Variants in SMIM20 observed in about 807,000 individuals in gnomAD.
The protein encoded by SMIM20 is small integral membrane protein 20.
In SMIM20, 3 loss-of-function variants were observed where a neutral mutation model predicts 8.7. That is an observed-to-expected ratio of 0.34 (90% CI 0.16 to 0.89). The LOEUF (loss-of-function observed/expected upper bound fraction) is 0.89, where lower values mean the gene tolerates loss of function less well. Ranked by LOEUF, SMIM20 falls within the 40% of genes least tolerant of loss-of-function variation. The probability of loss-of-function intolerance (pLI) is 0.49; values close to 1 mark genes in which losing one functional copy is unlikely to be tolerated. For missense variants in SMIM20, 85 were observed against 84.8 expected, an observed-to-expected ratio of 1.00 and a Z score of -0.01; for synonymous variants, 44 against 33.6, an observed-to-expected ratio of 1.31 and a Z score of -1.07.
At position 25,929,556 on chromosome 4, in the gene SMIM20, C is replaced by T. The variant is rs929121794; in HGVS notation, c.*365C>T. On this transcript the variant is annotated 3_prime_UTR_variant, in exon 3 of 3. Transcript: ENST00000506197. Reference sequence around the variant, plus strand: ...AGCAACCAGTGGGCTCGGGAAGGTCCGGGTCTCTTCTGCCATCTTCCAGAT... The same window carrying T: ...AGCAACCAGTGGGCTCGGGAAGGTCTGGGTCTCTTCTGCCATCTTCCAGAT... 7 of 183,398 alleles carry T rather than the reference C, an allele frequency of 3.8e-5. No homozygotes were observed. Among genetic ancestry groups the T allele is most frequent in the South Asian group, 3.9e-4 (2 of 5,186 alleles). The allele number at this position is 183,398 out of a possible 1,614,324, so 11.4% of individuals were successfully genotyped here. A position where few individuals can be genotyped will look rare whatever the true frequency, so the allele number is the denominator to read the frequency against.
At chr4:25,924,559 A>G (rs1464771556) in intron 1 of SMIM20, among the ~76,000 whole-genome samples, 1 of 152,206 alleles carries the variant, frequency 6.6e-6, no homozygotes, top group African/African-American at 2.4e-5. Context: ...CTTCACCTTG[A>G]TTTACCAGTT....
intron 2 of SMIM20, 29 bp from the exon 3 acceptor site, chr4:25,929,125 C>T (rs1317569599): frequency 6.4e-7 from 1 of 1,551,106 alleles, no homozygotes; most frequent in Non-Finnish European, 8.7e-7. Context: ...AAAAATGAAT[C>T]CTGTTTTTGT....
intron 1 of SMIM20, among the ~76,000 whole-genome samples, chr4:25,923,766 G>T (rs1322168091): frequency 6.6e-6 from 1 of 152,224 alleles, no homozygotes; most frequent in Non-Finnish European, 1.5e-5. Flanking sequence ...CCTTGTCAGG[G>T]CATTTTCCTT....
chr4:25,916,044 G>T (rs1719086454), intron 1 of SMIM20, among the ~76,000 whole-genome samples: 1 of 152,112 alleles, frequency 6.6e-6, no homozygotes, highest in African/African-American at 2.4e-5. Context: ...CTTGTACTGT[G>T]TATCCCAGCA....
intron 2 of SMIM20, among the ~76,000 whole-genome samples, chr4:25,928,925 C>T (rs141279910): frequency 0.013 from 2,053 of 152,308 alleles, 21 homozygotes; most frequent in Middle Eastern, 0.027. Context: ...GGCCAGATGT[C>T]GGTCTTCCTG....
At chr4:25,915,304 G>C (rs1050389215) in intron 1 of SMIM20, among the ~76,000 whole-genome samples, 7 of 152,038 alleles carry the variant, frequency 4.6e-5, no homozygotes, top group African/African-American at 1.7e-4. Flanking sequence ...TGATACATCT[G>C]AAACCATCTG....
At chr4:25,918,031 C>T (rs1719125762) in intron 1 of SMIM20, among the ~76,000 whole-genome samples, 1 of 151,308 alleles carries the variant, frequency 6.6e-6, no homozygotes, top group Admixed American at 6.6e-5. Flanking sequence ...CAAGCTCCGC[C>T]TCCCGGGTTC....
At chr4:25,925,202 A>G (rs573436626) in intron 1 of SMIM20, among the ~76,000 whole-genome samples, 39 of 152,312 alleles carry the variant, frequency 2.6e-4, no homozygotes, top group African/African-American at 8.7e-4. Context: ...ATTTGTCACA[A>G]TTCAAGTTGT....
chr4:25,927,463 G>A (rs1711534959), intron 1 of SMIM20, among the ~76,000 whole-genome samples: 1 of 152,142 alleles, frequency 6.6e-6, no homozygotes, highest in African/African-American at 2.4e-5. Flanking sequence ...AGCTAAATGT[G>A]GATTTAAAGA....
chr4:25,929,203 T>C lies in SMIM20; in HGVS notation c.*12T>C. On this transcript the variant is annotated 3_prime_UTR_variant, in exon 3 of 3. Coordinates refer to ENST00000506197, the MANE Select transcript of SMIM20 (RefSeq NM_001145432.3). ...TTGGCAGGAAATGAGAGGGCTGTCA[T>C]CAGCTCTGATTAAGAAAGGAGATTT... The C allele has an allele frequency of 6.4e-7, 1 of 1,551,972 alleles. No individual in the cohort carries two copies. Among genetic ancestry groups the C allele is most frequent in the Non-Finnish European group, 8.7e-7 (1 of 1,146,976 alleles).
chr4:25,927,370 C>A lies in SMIM20; in HGVS notation c.110-943C>A, dbSNP rs151232184. ...CAATGAATATTAGATTTGGCCAAAC[C>A]CTGTTTCTTGTACCGTTACGTTTGT... is the stretch of plus-strand genomic sequence containing the variant. On this transcript the variant is annotated intron_variant, in intron 1 of 2. Transcript: ENST00000506197. Among the ~76,000 whole-genome samples the A allele has an allele frequency of 4.6e-5, 7 of 152,248 alleles. No individual in the cohort carries two copies. The East Asian group carries it at 1.4e-3, about 29-fold the overall frequency.
chr4:25,922,152 G>A (rs953898755), intron 1 of SMIM20, among the ~76,000 whole-genome samples: 20 of 152,262 alleles, frequency 1.3e-4, no homozygotes, highest in African/African-American at 4.8e-4. Context: ...GTATGGAGAG[G>A]AGAATGGCAA....
At chr4:25,928,566 G>C (rs986622716) in intron 2 of SMIM20, among the ~76,000 whole-genome samples, 197 bp downstream of exon 2, 1 of 152,202 alleles carries the variant, frequency 6.6e-6, no homozygotes, top group Non-Finnish European at 1.5e-5. Context: ...TTTCACTCCA[G>C]AATACTTTTT....
At position 25,914,279 on chromosome 4, in the gene SMIM20, G is replaced by A; in HGVS notation, c.-35G>A. 6.5e-7 allele frequency: 1 copy of A among 1,531,346 alleles called. No homozygotes were observed. 94.9% of individuals were successfully genotyped at this position (1,531,346 alleles called of 1,614,324 possible). ...AACCTGGTTTCCGAGAGTGCCGGGCGGTCGGCGGGTCAGGGCAGCCCGGGG... is the reference window on the plus strand; with the variant it reads ...AACCTGGTTTCCGAGAGTGCCGGGCAGTCGGCGGGTCAGGGCAGCCCGGGG... On this transcript the variant is annotated 5_prime_UTR_variant, in exon 1 of 3. Transcript: ENST00000506197.
chr4:25,921,222 G>A (rs1326090153), intron 1 of SMIM20, among the ~76,000 whole-genome samples: 1 of 152,122 alleles, frequency 6.6e-6, no homozygotes, highest in Non-Finnish European at 1.5e-5. Context: ...ATAAGTGACT[G>A]CATTTGGGAG....
chr4:25,919,345 C>CT (rs938542458), intron 1 of SMIM20, among the ~76,000 whole-genome samples: 2,024 of 149,274 alleles, frequency 0.014, 18 homozygotes, highest in Middle Eastern at 0.024. Context: ...TTTGTGTCTT[C>CT]TTTTTTTTTT....
chr4:25,924,741 T>G (rs1284125801), intron 1 of SMIM20, among the ~76,000 whole-genome samples: 1 of 152,216 alleles, frequency 6.6e-6, no homozygotes, highest in Non-Finnish European at 1.5e-5. Flanking sequence ...CACTTCAGCC[T>G]GTATTTCCGA....
At chr4:25,927,562 T>G (rs1057083245) in intron 1 of SMIM20, among the ~76,000 whole-genome samples, 1 of 152,208 alleles carries the variant, frequency 6.6e-6, no homozygotes, top group African/African-American at 2.4e-5. Flanking sequence ...TCTAAGGCTT[T>G]CTCCTGAAAA....
rs1226234999 is a variant in SMIM20, at chr4:25,914,387, T to A, written c.74T>A (p.Ile25Asn). Reference sequence around the variant, plus strand: ...CTGATCGGCGCCGCCTTCTATCCCATCTACTTCCGGCCCCTAATGAGATTG... The same window carrying A: ...CTGATCGGCGCCGCCTTCTATCCCAACTACTTCCGGCCCCTAATGAGATTG... ...ISLIGAAFYPIYFRPLMRLEE... is the reference protein window; with the variant it reads ...ISLIGAAFYPNYFRPLMRLEE... The change falls in exon 1 of 3, where the codon ATC becomes AAC. Residue 25 changes from isoleucine (I) to asparagine (N), a missense_variant. By Grantham distance (149) the Ile-to-Asn change is moderately radical. Coordinates refer to ENST00000506197, the MANE Select transcript of SMIM20 (RefSeq NM_001145432.3). 6.5e-7 allele frequency: 1 copy of A among 1,538,588 alleles called. No individual in the cohort carries two copies. Among genetic ancestry groups the A allele is most frequent in the Admixed American group, 2.0e-5 (1 of 49,416 alleles).
Sources: allele counts gnomAD v4.1 joint callset (sites outside exome capture counted in the v4.1 genomes callset), GRCh38; gene constraint gnomAD v4.1.1; transcripts MANE v1.5; gene names NCBI Gene and HGNC (gene_info 2026-07-23, HGNC 2026-07-21).